The following INSYN2B variants were observed in gnomAD, a reference collection of about 807,000 sequenced individuals.
INSYN2B encodes the protein inhibitory synaptic factor family member 2B.
A neutral mutation model predicts 41.2 loss-of-function variants in INSYN2B; 16 were observed. That is an observed-to-expected ratio of 0.39 (90% CI 0.26 to 0.59). INSYN2B has a LOEUF of 0.59. Ranked by LOEUF, INSYN2B falls within the 20% of genes least tolerant of loss-of-function variation. The pLI is 0.57. For missense variants in INSYN2B, 608 were observed against 646.4 expected (o/e 0.94, Z 0.64); for synonymous variants, 245 against 244.4 (o/e 1.00, Z -0.02).
In INSYN2B at chr5:169,883,290, C is replaced by G; in HGVS notation, c.609G>C (p.Gln203His). The change falls in exon 2 of 4, where the codon CAG becomes CAC. Residue 203 changes from glutamine (Q) to histidine (H), a missense_variant. Coordinates refer to ENST00000377365, the MANE Select transcript of INSYN2B (RefSeq NM_001129891.3). ...RSLEKATAAI[Q>H]VPDDIYHSPS... ...GACTGTGATAAATATCATCTGGAAC[C>G]TGAATGGCAGCTGTGGCTTTCTCTA... is the stretch of plus-strand genomic sequence containing the variant. The G allele has an allele frequency of 6.4e-7, 1 of 1,551,610 alleles. No homozygotes were observed. The highest frequency in any genetic ancestry group is 8.7e-7 in the Non-Finnish European group (1 of 1,146,914).
At chr5:169,873,792 A>G (rs1446997691) in intron 3 of INSYN2B, among the ~76,000 whole-genome samples, 1 of 152,180 alleles carries the variant, frequency 6.6e-6, no homozygotes, top group Non-Finnish European at 1.5e-5. Flanking sequence ...CTTAACCAAG[A>G]AGGAAACTCC....
At chr5:169,943,992 C>T (rs1776348108) in intron 1 of INSYN2B, among the ~76,000 whole-genome samples, 1 of 152,178 alleles carries the variant, frequency 6.6e-6, no homozygotes, top group African/African-American at 2.4e-5. Flanking sequence ...GGGCTAATAG[C>T]ATGGTGTGAC....
intron 3 of INSYN2B, among the ~76,000 whole-genome samples, chr5:169,880,859 A>G (rs2113498691): frequency 6.6e-6 from 1 of 152,210 alleles, no homozygotes; most frequent in East Asian, 1.9e-4. Context: ...ACTCTGTGCT[A>G]GAAGGAAATG....
At chr5:169,964,129 T>C (rs1490649053) in intron 1 of INSYN2B, among the ~76,000 whole-genome samples, 1 of 152,212 alleles carries the variant, frequency 6.6e-6, no homozygotes, top group Non-Finnish European at 1.5e-5. Flanking sequence ...GATGAAATTC[T>C]ACTGACCAGA....
intron 1 of INSYN2B, among the ~76,000 whole-genome samples, chr5:169,933,111 C>A (rs918548975): frequency 1.3e-5 from 2 of 152,214 alleles, no homozygotes; most frequent in Non-Finnish European, 2.9e-5. Flanking sequence ...TTACTCCCGA[C>A]CCTCTCACCT....
chr5:169,889,815 G>T (rs958602955), intron 1 of INSYN2B, among the ~76,000 whole-genome samples: 4 of 152,180 alleles, frequency 2.6e-5, no homozygotes, highest in African/African-American at 9.7e-5. Flanking sequence ...GATTTGGCCT[G>T]GGAGCCATAG....
At chr5:169,975,373 T>G (rs1011528708) in intron 1 of INSYN2B, among the ~76,000 whole-genome samples, 25 of 152,154 alleles carry the variant, frequency 1.6e-4, no homozygotes, top group South Asian at 2.1e-4. Context: ...AATCAATGGC[T>G]TCTCTTTGTA....
At chr5:169,956,788 A>G (rs1368473799) in intron 1 of INSYN2B, among the ~76,000 whole-genome samples, 1 of 152,166 alleles carries the variant, frequency 6.6e-6, no homozygotes, top group Non-Finnish European at 1.5e-5. Flanking sequence ...TTCAAATGTA[A>G]TCTTTCTCAG....
At chr5:169,898,591 A>G (rs933207772) in intron 1 of INSYN2B, among the ~76,000 whole-genome samples, 2 of 152,276 alleles carry the variant, frequency 1.3e-5, no homozygotes, top group South Asian at 4.1e-4. Context: ...GAGTTCAATG[A>G]AAGAATGACA....
At chr5:169,960,410 T>A (rs1777036896) in intron 1 of INSYN2B, among the ~76,000 whole-genome samples, 1 of 152,226 alleles carries the variant, frequency 6.6e-6, no homozygotes, top group African/African-American at 2.4e-5. Flanking sequence ...ATTGATAATA[T>A]TAATATGTCT....
chr5:169,974,633 T>G lies in INSYN2B; in HGVS notation c.-919+5644A>C, dbSNP rs146093580. On this transcript the variant is annotated intron_variant, in intron 1 of 3. Transcript: ENST00000377365. ...GTGGGAGCGGAGCTGCTTAGGATCC[T>G]TATCCAGAGCTCCATACCCTAGCAA... Among the ~76,000 whole-genome samples the G allele has an allele frequency of 6.5e-4, 99 of 152,272 alleles. No homozygotes were observed. In the East Asian group the frequency reaches 0.018, roughly 28 times the overall value.
At chr5:169,927,815 A>G (rs1162021325) in intron 1 of INSYN2B, among the ~76,000 whole-genome samples, 2 of 152,082 alleles carry the variant, frequency 1.3e-5, no homozygotes, top group Non-Finnish European at 2.9e-5. Context: ...ATGGGGTTTC[A>G]CTGTGTTAGC....
At chr5:169,932,551 G>T (rs144564366) in intron 1 of INSYN2B, among the ~76,000 whole-genome samples, 2 of 152,168 alleles carry the variant, frequency 1.3e-5, no homozygotes, top group African/African-American at 2.4e-5. Context: ...TGCTTTTGCC[G>T]TCAGTTTTGG....
chr5:169,868,781 G>A (rs569020662), intron 3 of INSYN2B, among the ~76,000 whole-genome samples: 3 of 152,290 alleles, frequency 2.0e-5, no homozygotes, highest in Admixed American at 6.5e-5. Context: ...TGATATTAAT[G>A]CTCTGGATGA....
In INSYN2B at chr5:169,966,370, C is replaced by T. The variant is rs559559238; in HGVS notation, c.-919+13907G>A. ...TAGCTGTGCCTGTGTAGCTTTACCACATAACCCATTGATAACTTATCCCTA... is the reference window on the plus strand; with the variant it reads ...TAGCTGTGCCTGTGTAGCTTTACCATATAACCCATTGATAACTTATCCCTA... On this transcript the variant is annotated intron_variant, in intron 1 of 3. Transcript: ENST00000377365. 2.6e-5 allele frequency among the ~76,000 whole-genome samples: 4 copies of T among 152,308 alleles called. No individual in the cohort carries two copies. The South Asian group carries it at 8.3e-4, about 32-fold the overall frequency.
At chr5:169,918,362 A>C (rs79562839) in intron 1 of INSYN2B, among the ~76,000 whole-genome samples, 2,358 of 152,300 alleles carry the variant, frequency 0.015, 34 homozygotes, top group Non-Finnish European at 0.024. Context: ...TCTAACCTAG[A>C]AAATTACTCA....
intron 1 of INSYN2B, among the ~76,000 whole-genome samples, chr5:169,897,823 C>T (rs146988504): frequency 6.6e-6 from 1 of 152,302 alleles, no homozygotes; most frequent in Non-Finnish European, 1.5e-5. Flanking sequence ...TCCCAGGATA[C>T]TTTAATTTTC....
chr5:169,927,054 C>A (rs548403410), intron 1 of INSYN2B, among the ~76,000 whole-genome samples: 19 of 152,284 alleles, frequency 1.2e-4, no homozygotes, highest in African/African-American at 4.6e-4. Flanking sequence ...GGGTGCCAGA[C>A]CAATATGGTA....
At chr5:169,976,899 T>G (rs1350061657) in intron 1 of INSYN2B, among the ~76,000 whole-genome samples, 1 of 152,222 alleles carries the variant, frequency 6.6e-6, no homozygotes, top group Non-Finnish European at 1.5e-5. Flanking sequence ...TCTGTTTTCC[T>G]GTGATGCTAT....
Sources: gnomAD v4.1 joint callset for allele counts (sites outside exome capture counted in the v4.1 genomes callset) on GRCh38, gnomAD v4.1.1 for gene constraint, MANE v1.5 for transcripts, NCBI Gene and HGNC (gene_info 2026-07-23, HGNC 2026-07-21) for gene names.